Variants in TBCK observed in about 807,000 individuals in gnomAD.
TBCK encodes the protein TBC1 domain containing kinase.
TBCK carries 99 observed loss-of-function variants against 113.4 expected under a neutral mutation model. The observed-to-expected ratio is 0.87, with a 90% CI of 0.74 to 1.03. The LOEUF is 1.03. Among genes scored for constraint, TBCK ranks in the 50% least tolerant of loss-of-function variants. The pLI is 0.00. For synonymous variants in TBCK, 369 were observed against 370.8 expected (o/e 1.00, Z 0.05); for missense variants, 1,045 against 1,061.3 (o/e 0.98, Z 0.21).
chr4:106,079,870 A>G (rs1738654498), intron 25 of TBCK, among the ~76,000 whole-genome samples: 1 of 152,150 alleles, frequency 6.6e-6, no homozygotes, highest in African/African-American at 2.4e-5. Context: ...AAGCAGGCGC[A>G]TCGTACATGG....
chr4:106,165,145 AAAGATT>A (rs1162759763), intron 23 of TBCK, among the ~76,000 whole-genome samples: 1 of 151,788 alleles, frequency 6.6e-6, no homozygotes, highest in Non-Finnish European at 1.5e-5. Context: ...TTAAAAAATC[AAAGATT>A]AAGTAGAGAT....
At chr4:106,113,594 G>A (rs1743118710) in intron 24 of TBCK, among the ~76,000 whole-genome samples, 2 of 152,092 alleles carry the variant, frequency 1.3e-5, no homozygotes, top group Admixed American at 1.3e-4. Flanking sequence ...ACCATAGCAT[G>A]GCTAGGACCC....
At position 106,262,101 on chromosome 4, in the gene TBCK, T is replaced by A; in HGVS notation, c.378A>T (p.Arg126=). Residue 126 remains arginine (R), a synonymous_variant, in exon 4 of 26, where the codon CGA becomes CGT. Coordinates refer to ENST00000394708, the MANE Select transcript of TBCK (RefSeq NM_001163435.3). ...TATTACATGATTTAACAATTACCTTTCGGTCCAACAGGATATTATGAGGAG... is the reference window on the plus strand; with the variant it reads ...TATTACATGATTTAACAATTACCTTACGGTCCAACAGGATATTATGAGGAG... ...ALSPHNILLD[R]KGHIKLAKFG... 1 of 1,510,858 alleles carries A rather than the reference T, an allele frequency of 6.6e-7. No homozygotes were observed. The highest frequency in any genetic ancestry group is 1.7e-4 in the Middle Eastern group (1 of 5,858). 93.6% of individuals were successfully genotyped at this position (1,510,858 alleles called of 1,614,324 possible).
intron 22 of TBCK, among the ~76,000 whole-genome samples, chr4:106,175,116 C>T (rs539758482): frequency 6.9e-6 from 1 of 143,946 alleles, no homozygotes; most frequent in Non-Finnish European, 1.5e-5. Flanking sequence ...AGCCTGGCTA[C>T]AGAGCAAGAC....
At chr4:106,181,508 C>T (rs577953443) in intron 22 of TBCK, among the ~76,000 whole-genome samples, 1 of 152,106 alleles carries the variant, frequency 6.6e-6, no homozygotes, top group Admixed American at 6.6e-5. Flanking sequence ...CTAGGTCTTA[C>T]GTTTAAGTCT....
At chr4:106,104,747 C>T (rs1741943919) in intron 24 of TBCK, among the ~76,000 whole-genome samples, 6 of 152,226 alleles carry the variant, frequency 3.9e-5, no homozygotes, top group Admixed American at 3.9e-4. Flanking sequence ...GCCTTTAAAC[C>T]ACCAACAGGT....
chr4:106,305,993 G>A (rs554856899), intron 2 of TBCK, among the ~76,000 whole-genome samples: 1 of 152,294 alleles, frequency 6.6e-6, no homozygotes, highest in African/African-American at 2.4e-5. Context: ...TCTGGCTATG[G>A]AGTAGCCTTT....
At chr4:106,092,571 A>G (rs562339692) in intron 25 of TBCK, among the ~76,000 whole-genome samples, 173 of 152,318 alleles carry the variant, frequency 1.1e-3, no homozygotes, top group African/African-American at 4.1e-3. Context: ...AGGCCCGGTG[A>G]GAAATCAAGT....
intron 24 of TBCK, among the ~76,000 whole-genome samples, chr4:106,102,230 C>T (rs550024316): frequency 6.6e-6 from 1 of 152,276 alleles, no homozygotes; most frequent in East Asian, 1.9e-4. Context: ...TCATGTCCTT[C>T]AGCTTTCTTC....
intron 24 of TBCK, among the ~76,000 whole-genome samples, chr4:106,114,388 C>A (rs181398578): frequency 6.6e-6 from 1 of 152,312 alleles, no homozygotes; most frequent in Admixed American, 6.5e-5. Flanking sequence ...AACTTGGAAC[C>A]TGGCCTTTAA....
At chr4:106,160,247 C>T (rs2149705410) in intron 23 of TBCK, among the ~76,000 whole-genome samples, 1 of 151,930 alleles carries the variant, frequency 6.6e-6, no homozygotes, top group South Asian at 2.1e-4. Flanking sequence ...ACACCAAAGC[C>T]CTAGGTGACA....
At chr4:106,255,088 T>G (rs1452531077) in intron 5 of TBCK, 2 of 284,964 alleles carry the variant, frequency 7.0e-6, no homozygotes, top group Non-Finnish European at 1.4e-5. Flanking sequence ...AAAGACAGGT[T>G]GTAGAGAACT....
At chr4:106,235,595 T>C (rs909827810) in intron 14 of TBCK, among the ~76,000 whole-genome samples, 6 of 152,032 alleles carry the variant, frequency 3.9e-5, no homozygotes, top group African/African-American at 9.7e-5. Context: ...GAGCAGCTGA[T>C]TCTACCTGAT....
At chr4:106,193,422 A>G (rs1461190892) in intron 22 of TBCK, among the ~76,000 whole-genome samples, 187 bp downstream of exon 22, 2 of 152,124 alleles carry the variant, frequency 1.3e-5, no homozygotes, top group African/African-American at 4.8e-5. Flanking sequence ...TATGACCCAG[A>G]TTTGTATTTA....
chr4:106,242,960 G>A (rs1170955368), intron 11 of TBCK, among the ~76,000 whole-genome samples: 1 of 148,296 alleles, frequency 6.7e-6, no homozygotes, highest in Non-Finnish European at 1.5e-5. Context: ...AGAATATGCG[G>A]TGTTTGGTTT....
chr4:106,141,220 T>C lies in TBCK; in HGVS notation c.2236-24842A>G, dbSNP rs185680178. 1.7e-4 allele frequency among the ~76,000 whole-genome samples: 24 copies of C among 139,878 alleles called. 2 individuals are homozygous for C. Among genetic ancestry groups the C allele is most frequent in the Admixed American group, 1.6e-3 (23 of 14,140 alleles). 91.8% of individuals were successfully genotyped at this position (139,878 alleles called of 152,430 possible). On this transcript the variant is annotated intron_variant, in intron 23 of 25. Coordinates refer to ENST00000394708, the MANE Select transcript of TBCK (RefSeq NM_001163435.3). ...ATAGAAAGATATAAGATGTATAAAA[T>C]TGAAAAAGGTAAAATTATAATTTGT... is the stretch of plus-strand genomic sequence containing the variant.
At chr4:106,133,998 G>A (rs1430899963) in intron 23 of TBCK, among the ~76,000 whole-genome samples, 3 of 151,126 alleles carry the variant, frequency 2.0e-5, no homozygotes, top group Non-Finnish European at 4.4e-5. Flanking sequence ...CAACAAGAGT[G>A]AGATTCCGTC....
At chr4:106,212,927 G>T in intron 19 of TBCK, 92 bp from the exon 20 acceptor site, 1 of 805,084 alleles carries the variant, frequency 1.2e-6, no homozygotes, top group Non-Finnish European at 2.0e-6. Flanking sequence ...CATTGAATGA[G>T]ATTTAATTTC....
chr4:106,221,457 A>C (rs149310516), intron 19 of TBCK, among the ~76,000 whole-genome samples: 2,182 of 152,286 alleles, frequency 0.014, 18 homozygotes, highest in Non-Finnish European at 0.023. Context: ...GTTGCTCAGG[A>C]CAGGCTTTCA....
Sources: gnomAD v4.1 joint callset for allele counts (sites outside exome capture counted in the v4.1 genomes callset) on GRCh38, gnomAD v4.1.1 for gene constraint, MANE v1.5 for transcripts, NCBI Gene and HGNC (gene_info 2026-07-23, HGNC 2026-07-21) for gene names.